The following MRE11 variants were observed in gnomAD, a reference collection of about 807,000 sequenced individuals.
MRE11 encodes double-strand break repair protein MRE11.
In MRE11, 62 loss-of-function variants were observed where a neutral mutation model predicts 91.7. The ratio of observed to expected loss-of-function variants is 0.68; its 90% CI spans 0.55 to 0.84. MRE11 has a LOEUF of 0.84. Among genes scored for constraint, MRE11 ranks in the 40% least tolerant of loss-of-function variants. The probability of loss-of-function intolerance (pLI) is 0.00; values close to 1 mark genes in which losing one functional copy is unlikely to be tolerated. For synonymous variants in MRE11, 273 were observed against 271.4 expected (o/e 1.01, Z -0.06); for missense variants, 796 against 852.9 (o/e 0.93, Z 0.83).
chr11:94,488,729 G>A (rs187693972), intron 3 of MRE11, among the ~76,000 whole-genome samples: 1 of 152,092 alleles, frequency 6.6e-6, no homozygotes, highest in East Asian at 1.9e-4. Flanking sequence ...TTGTAAGTGG[G>A]AGCTAAATGA....
chr11:94,438,164 A>C (rs1945675898), intron 16 of MRE11, among the ~76,000 whole-genome samples: 1 of 151,836 alleles, frequency 6.6e-6, no homozygotes, highest in Admixed American at 6.6e-5. Flanking sequence ...CAAAACCTAC[A>C]ATAAATTTCA....
chr11:94,467,489 C>T (rs1047354303), intron 10 of MRE11, among the ~76,000 whole-genome samples: 5 of 152,006 alleles, frequency 3.3e-5, no homozygotes, highest in African/African-American at 1.2e-4. Context: ...AGAGCACATC[C>T]CACATGCCCA....
At chr11:94,502,963 C>A in the MRE11 span, among the ~76,000 whole-genome samples, 2 of 152,200 alleles carry the variant, frequency 1.3e-5, no homozygotes, top group Admixed American at 6.5e-5. Flanking sequence ...ACTTGAGCCA[C>A]CATGCTTGGC....
intron 1 of MRE11, 100 bp from the exon 2 acceptor site, chr11:94,493,006 CT>C (rs1490919842): frequency 1.7e-6 from 1 of 576,756 alleles, no homozygotes; most frequent in African/African-American, 1.9e-5. Context: ...CTTAATTAGA[CT>C]GGCAAATTTA....
In MRE11 at chr11:94,415,854, AGGCTG is replaced by A. The variant is rs1945022087; in HGVS notation, c.*4266_*4270del. The A allele has an allele frequency of 6.6e-6, 1 of 152,328 alleles. No homozygotes were observed. Among genetic ancestry groups the A allele is most frequent in the African/African-American group, 2.4e-5 (1 of 41,460 alleles). The allele number at this position is 152,328 out of a possible 1,614,324, so 9.4% of individuals were successfully genotyped here. A position where few individuals can be genotyped will look rare whatever the true frequency, so the allele number is the denominator to read the frequency against. On this transcript the variant is annotated 3_prime_UTR_variant, in exon 20 of 20. Coordinates refer to ENST00000323929, the MANE Select transcript of MRE11 (RefSeq NM_005591.4). ...GAGACAGAGTCTTGCTCTGTTGCCC[AGGCTG>A]GAGTGCAATGGCGTGATATCAGCTC...
Position 94,418,384 on chromosome 11 carries a change from T to TC in MRE11, c.*1740_*1741insG, listed in dbSNP as rs1269598397. On this transcript the variant is annotated 3_prime_UTR_variant, in exon 20 of 20. Coordinates refer to ENST00000323929, the MANE Select transcript of MRE11 (RefSeq NM_005591.4). Reference sequence around the variant, plus strand: ...CCTCTTTTCACAGCCAAGAGCAATTTTTTTTTTTTTAAGGAAAAAAACTTT... The same window carrying TC: ...CCTCTTTTCACAGCCAAGAGCAATTTCTTTTTTTTTTAAGGAAAAAAACTTT... The TC allele has an allele frequency of 3.0e-5, 7 of 232,204 alleles. No homozygotes were observed. Among genetic ancestry groups the TC allele is most frequent in the Non-Finnish European group, 6.0e-5 (7 of 117,516 alleles). 14.4% of individuals were successfully genotyped at this position (232,204 alleles called of 1,614,324 possible).
chr11:94,507,667 T>A, the MRE11 span, among the ~76,000 whole-genome samples: 4 of 152,184 alleles, frequency 2.6e-5, no homozygotes, highest in South Asian at 4.2e-4. Context: ...CATTTTTTTT[T>A]AATAGCCTTC....
Position 94,464,245 on chromosome 11 carries a change from AAC to A in MRE11, c.1099-8_1099-7del, listed in dbSNP as rs2135001174. On this transcript the variant is annotated splice_region_variant and splice_polypyrimidine_tract_variant and intron_variant, in intron 10 of 19. Coordinates refer to ENST00000323929, the MANE Select transcript of MRE11 (RefSeq NM_005591.4). ...AAACCTCCACTATAGTCCACCTGAA[AAC>A]ACAGAATAATCTATGAACGCTAGGA... The A allele has an allele frequency of 5.6e-6, 9 of 1,613,868 alleles. No individual in the cohort carries two copies. The highest frequency in any genetic ancestry group is 7.6e-6 in the Non-Finnish European group (9 of 1,179,862).
chr11:94,432,052 C>T (rs1461360633), intron 18 of MRE11, among the ~76,000 whole-genome samples: 1 of 152,038 alleles, frequency 6.6e-6, no homozygotes, highest in Non-Finnish European at 1.5e-5. Flanking sequence ...CAGAAAGGGG[C>T]CCTTACTTCC....
At chr11:94,485,605 T>C (rs1947120244) in intron 4 of MRE11, among the ~76,000 whole-genome samples, 2 of 151,092 alleles carry the variant, frequency 1.3e-5, no homozygotes, top group Non-Finnish European at 1.5e-5. Flanking sequence ...AGTCCCACCA[T>C]GTATTTTTTT....
rs137852759 is a variant in MRE11 at position 94,437,206 on chromosome 11, G to T, written c.1897C>A (p.Arg633=). The T allele has an allele frequency of 6.2e-7, 1 of 1,612,706 alleles. No individual in the cohort carries two copies. The highest frequency in any genetic ancestry group is 8.5e-7 in the Non-Finnish European group (1 of 1,179,322). The change falls in exon 17 of 20, where the codon CGA becomes AGA. Residue 633 remains arginine (R), a synonymous_variant. Transcript: ENST00000323929. Reference sequence around the variant, plus strand: ...GAATAATTCTTAGTAGTGACATTTCGGGAAGGCTGCTGTCTTGTAGATTTA... The same window carrying T: ...GAATAATTCTTAGTAGTGACATTTCTGGAAGGCTGCTGTCTTGTAGATTTA... ...AFKSTRQQPS[R]NVTTKNYSEV...
At chr11:94,441,742 C>T (rs796114285) in intron 16 of MRE11, among the ~76,000 whole-genome samples, 6 of 151,970 alleles carry the variant, frequency 3.9e-5, no homozygotes, top group Admixed American at 6.6e-5. Flanking sequence ...TTTGGGAGGC[C>T]GAGGCAGGAG....
In MRE11 at chr11:94,437,202, T is replaced by C; in HGVS notation, c.1901A>G (p.Asn634Ser). 6.2e-7 allele frequency: 1 copy of C among 1,613,080 alleles called. No homozygotes were observed. The stretch of plus-strand genomic sequence containing the variant: ...CTCTGAATAATTCTTAGTAGTGACA[T>C]TTCGGGAAGGCTGCTGTCTTGTAGA... Reference protein sequence around the residue: ...FKSTRQQPSRNVTTKNYSEVI... With the variant: ...FKSTRQQPSRSVTTKNYSEVI... Residue 634 changes from asparagine to serine, a missense_variant, in exon 17 of 20, where the codon AAT (asparagine) becomes AGT (serine). Transcript: ENST00000323929.
Position 94,417,299 on chromosome 11 carries a change from G to GT in MRE11, c.*2825dup. The GT allele has an allele frequency of 4.8e-6, 1 of 209,260 alleles. No individual in the cohort carries two copies. Among genetic ancestry groups the GT allele is most frequent in the Non-Finnish European group, 9.7e-6 (1 of 102,840 alleles). 13.0% of individuals were successfully genotyped at this position (209,260 alleles called of 1,614,324 possible). Reference sequence around the variant, plus strand: ...GCCCATTGAGATACTTTTTTACTCAGTTTTTTTCTAAGAATGGATTTTCCT... The same window carrying GT: ...GCCCATTGAGATACTTTTTTACTCAGTTTTTTTTCTAAGAATGGATTTTCCT... On this transcript the variant is annotated 3_prime_UTR_variant, in exon 20 of 20. Coordinates refer to ENST00000323929, the MANE Select transcript of MRE11 (RefSeq NM_005591.4).
At position 94,470,606 on chromosome 11, in the gene MRE11, C is replaced by T. The variant is rs2135040411; in HGVS notation, c.882G>A (p.Met294Ile). The stretch of plus-strand genomic sequence containing the variant: ...TGTGAAGAGGAATTTTATGCATATT[C>T]ATCTTCCTCCCTTTAATACGCAGCA... The part of the protein sequence containing the change: ...VGLLRIKGRK[M>I]NMHKIPLHTV... The change falls in exon 9 of 20, where the codon ATG becomes ATA. Residue 294 changes from methionine (M) to isoleucine (I), a missense_variant. By Grantham distance (10) the Met-to-Ile change is conservative. Transcript: ENST00000323929. The T allele has an allele frequency of 6.2e-7, 1 of 1,613,182 alleles. No homozygotes were observed. Among genetic ancestry groups the T allele is most frequent in the Non-Finnish European group, 8.5e-7 (1 of 1,179,380 alleles).
chr11:94,490,669 G>T (rs993334217), intron 3 of MRE11, among the ~76,000 whole-genome samples, 164 bp downstream of exon 3: 5 of 152,184 alleles, frequency 3.3e-5, no homozygotes, highest in African/African-American at 1.2e-4. Flanking sequence ...TTGAATTTAA[G>T]ACACAAAGCA....
chr11:94,486,626 A>G (rs1423928115), intron 3 of MRE11, among the ~76,000 whole-genome samples: 1 of 152,220 alleles, frequency 6.6e-6, no homozygotes, highest in Non-Finnish European at 1.5e-5. Flanking sequence ...TGGAAGAGGC[A>G]AACTGTTATA....
chr11:94,445,967 G>C, intron 15 of MRE11, 74 bp from the exon 16 acceptor site: 2 of 1,051,374 alleles, frequency 1.9e-6, no homozygotes, highest in Non-Finnish European at 3.0e-6. Flanking sequence ...ACTAAAAAAT[G>C]AAAGCTAAAT....
chr11:94,489,672 T>A (rs1169147503), intron 3 of MRE11, among the ~76,000 whole-genome samples: 1 of 152,154 alleles, frequency 6.6e-6, no homozygotes, highest in Non-Finnish European at 1.5e-5. Context: ...GCAGATAAAC[T>A]TAAGAGAACT....
Sources: gnomAD v4.1 joint callset for allele counts (sites outside exome capture counted in the v4.1 genomes callset) on GRCh38, gnomAD v4.1.1 for gene constraint, MANE v1.5 for transcripts, NCBI Gene and HGNC (gene_info 2026-07-23, HGNC 2026-07-21) for gene names.